Variants in SLC6A13 observed in about 807,000 individuals in gnomAD.
SLC6A13 encodes the protein sodium- and chloride-dependent GABA transporter 2.
Under a neutral mutation model 72.9 loss-of-function variants are expected in SLC6A13, and 69 were observed. The observed-to-expected ratio is 0.95, with a 90% CI of 0.78 to 1.16. SLC6A13 has a LOEUF of 1.16. SLC6A13 is among the 50% of genes most tolerant of loss of function. SLC6A13 has a pLI of 0.00. For synonymous variants in SLC6A13, 303 were observed against 303.0 expected (o/e 1.00, Z 0.00); for missense variants, 735 against 760.5 (o/e 0.97, Z 0.39).
chr12:223,227 A>G lies in SLC6A13; in HGVS notation c.1319T>C (p.Met440Thr), dbSNP rs1256766242. 3 of 1,608,504 alleles carry G rather than the reference A, an allele frequency of 1.9e-6. No homozygotes were observed. The highest frequency in any genetic ancestry group is 2.6e-6 in the Non-Finnish European group (3 of 1,175,636). Reference protein sequence around the residue: ...VGLIMLTEGGMYVFQLFDYYA... With the variant: ...VGLIMLTEGGTYVFQLFDYYA... ...GTAGTCAAAGAGCTGGAACACGTAC[A>G]TTCCGCCCTGCATGGGAGGAGATTA... Residue 440 changes from methionine to threonine, a missense_variant, in exon 12 of 15, where the codon ATG becomes ACG. Transcript: ENST00000343164.
chr12:230,686 G>A (rs1941673075), intron 7 of SLC6A13, among the ~76,000 whole-genome samples: 1 of 152,174 alleles, frequency 6.6e-6, no homozygotes, highest in Non-Finnish European at 1.5e-5. Context: ...GACTGCTTGA[G>A]ATAAAACCCA....
chr12:221,371 C>T lies in SLC6A13; in HGVS notation c.1686+5G>A. ...TGGCTGCTTTCCTGCCCGCAAAGGC[C>T]CTACCTCTCTGAAGGGGCCCTTGAG... On this transcript the variant is annotated splice_donor_5th_base_variant and intron_variant, in intron 14 of 14. Coordinates refer to ENST00000343164, the MANE Select transcript of SLC6A13 (RefSeq NM_016615.5). 1 of 1,585,772 alleles carries T rather than the reference C, an allele frequency of 6.3e-7. No individual in the cohort carries two copies. The highest frequency in any genetic ancestry group is 1.1e-5 in the South Asian group (1 of 87,678).
Position 223,222 on chromosome 12 carries a change from C to G in SLC6A13, c.1324G>C (p.Val442Leu). ...GCATAGTAGTCAAAGAGCTGGAACACGTACATTCCGCCCTGCATGGGAGGA... is the reference window on the plus strand; with the variant it reads ...GCATAGTAGTCAAAGAGCTGGAACAGGTACATTCCGCCCTGCATGGGAGGA... ...LIMLTEGGMYVFQLFDYYAAS... is the reference protein window; with the variant it reads ...LIMLTEGGMYLFQLFDYYAAS... Residue 442 changes from valine (V) to leucine (L), a missense_variant, in exon 12 of 15, where the codon GTG becomes CTG. Val to Leu is a conservative substitution (Grantham distance 32). Coordinates refer to ENST00000343164, the MANE Select transcript of SLC6A13 (RefSeq NM_016615.5). The G allele has an allele frequency of 2.5e-6, 4 of 1,610,618 alleles. No individual in the cohort carries two copies. Among genetic ancestry groups the G allele is most frequent in the Non-Finnish European group, 3.4e-6 (4 of 1,177,346 alleles).
At position 227,648 on chromosome 12, in the gene SLC6A13, G is replaced by A; in HGVS notation, c.852C>T (p.Thr284=). Residue 284 remains threonine, a synonymous_variant, in exon 8 of 15, where the codon ACC becomes ACT. Coordinates refer to ENST00000343164, the MANE Select transcript of SLC6A13 (RefSeq NM_016615.5). ...WDPQVWMDAG[T]QIFFSFAICL... ...AGATGGCGAAGGAGAAGAATATCTG[G>A]GTGCCTGCATCCATCCACACCTACA... The A allele has an allele frequency of 1.2e-6, 2 of 1,611,632 alleles. No individual in the cohort carries two copies. Among genetic ancestry groups the A allele is most frequent in the East Asian group, 4.5e-5 (2 of 44,812 alleles).
At chr12:226,666 G>C in intron 8 of SLC6A13, 152 bp from the exon 9 acceptor site, 1 of 915,036 alleles carries the variant, frequency 1.1e-6, no homozygotes, top group Non-Finnish European at 1.6e-6. Flanking sequence ...GCAGAATTCA[G>C]AGGACCACGC....
intron 10 of SLC6A13, 126 bp from the exon 11 acceptor site, chr12:224,255 G>T (rs1312617575): frequency 4.9e-6 from 7 of 1,423,290 alleles, no homozygotes; most frequent in East Asian, 2.3e-5. Flanking sequence ...CTGAGCTATT[G>T]TCCTTGCCTG....
At chr12:224,627 A>G in intron 9 of SLC6A13, 114 bp from the exon 10 acceptor site, 1 of 787,616 alleles carries the variant, frequency 1.3e-6, no homozygotes, top group South Asian at 1.7e-5. Context: ...AGGAAACTTC[A>G]CCCCAAAGTT....
chr12:243,431 T>C (rs1049335048), intron 3 of SLC6A13, among the ~76,000 whole-genome samples: 7 of 152,260 alleles, frequency 4.6e-5, no homozygotes, highest in East Asian at 1.9e-4. Flanking sequence ...TTAAAACATA[T>C]GGCTAAAGTG....
At chr12:261,637 A>G (rs1942929134) in intron 1 of SLC6A13, among the ~76,000 whole-genome samples, 1 of 152,244 alleles carries the variant, frequency 6.6e-6, no homozygotes, top group South Asian at 2.1e-4. Flanking sequence ...TTAGAAAGTC[A>G]GTGAACAGGC....
At chr12:239,480 G>C (rs1421554289) in intron 4 of SLC6A13, among the ~76,000 whole-genome samples, 1 of 152,142 alleles carries the variant, frequency 6.6e-6, no homozygotes, top group Non-Finnish European at 1.5e-5. Context: ...TGCTGAAGGG[G>C]CATCTCAGTA....
intron 4 of SLC6A13, chr12:238,430 G>T: frequency 1.2e-6 from 1 of 847,134 alleles, no homozygotes. Context: ...TGACCCCACG[G>T]GTATGAACTG....
At chr12:227,318 G>A (rs1322891550) in intron 8 of SLC6A13, among the ~76,000 whole-genome samples, 1 of 152,158 alleles carries the variant, frequency 6.6e-6, no homozygotes, top group Admixed American at 6.5e-5. Context: ...TCAGCCAGGA[G>A]GCCAGGCACC....
chr12:240,323 C>T (rs778551133), intron 4 of SLC6A13, among the ~76,000 whole-genome samples: 8 of 152,134 alleles, frequency 5.3e-5, no homozygotes, highest in Non-Finnish European at 8.8e-5. Flanking sequence ...CCTGTCTCAA[C>T]CTCCCAAGTA....
chr12:236,998 T>G (rs1241475240), intron 6 of SLC6A13, 160 bp downstream of exon 6: 1 of 763,370 alleles, frequency 1.3e-6, no homozygotes, highest in East Asian at 2.5e-5. Flanking sequence ...TATGTGAGTC[T>G]AGGAGAGGCG....
intron 2 of SLC6A13, among the ~76,000 whole-genome samples, chr12:245,360 C>A (rs1199652405): frequency 6.6e-6 from 1 of 152,160 alleles, no homozygotes; most frequent in Non-Finnish European, 1.5e-5. Context: ...TTCACTGATC[C>A]CAGAACAGAG....
chr12:248,329 G>A (rs517874), intron 2 of SLC6A13, among the ~76,000 whole-genome samples: 28,325 of 150,588 alleles, frequency 0.19, 3,064 homozygotes, highest in East Asian at 0.37. Context: ...AGTGAACCCC[G>A]GGGGGCGGAG....
chr12:238,124 G>T lies in SLC6A13; in HGVS notation c.479-114C>A, dbSNP rs1398549022. 6.4e-6 allele frequency: 10 copies of T among 1,555,822 alleles called. No homozygotes were observed. The African/African-American group carries it at 1.3e-4, about 21-fold the overall frequency. On this transcript the variant is annotated intron_variant, in intron 4 of 14. Transcript: ENST00000343164. ...ATGGGAAGGAAGGTATTTGGCAGGA[G>T]CCAGGCTAAGGTTATCTGTACAAAA... is the stretch of plus-strand genomic sequence containing the variant.
chr12:241,928 C>T (rs995469062), intron 4 of SLC6A13, among the ~76,000 whole-genome samples: 3 of 152,214 alleles, frequency 2.0e-5, no homozygotes, highest in Non-Finnish European at 2.9e-5. Context: ...CTTTACTGTA[C>T]CTTTCCTATG....
chr12:259,479 A>G (rs1426511249), intron 2 of SLC6A13: 4 of 1,286,684 alleles, frequency 3.1e-6, no homozygotes, highest in Non-Finnish European at 3.9e-6. Context: ...AATCCTTACA[A>G]TGACCTTGAA....
Sources: allele counts gnomAD v4.1 joint callset (sites outside exome capture counted in the v4.1 genomes callset), GRCh38; gene constraint gnomAD v4.1.1; transcripts MANE v1.5; gene names NCBI Gene and HGNC (gene_info 2026-07-23, HGNC 2026-07-21).